KCNMB2: variants seen among roughly 807,000 people sequenced by gnomAD.
KCNMB2 encodes potassium calcium-activated channel subfamily M regulatory beta subunit 2.
KCNMB2 carries 9 observed loss-of-function variants against 24.5 expected under a neutral mutation model. The ratio of observed to expected loss-of-function variants is 0.37; its 90% confidence interval spans 0.22 to 0.64. The LOEUF (loss-of-function observed/expected upper bound fraction) is 0.64. Among genes scored for constraint, KCNMB2 ranks in the 30% least tolerant of loss-of-function variants. The probability of loss-of-function intolerance (pLI) is 0.63; values close to 1 mark genes in which losing one functional copy is unlikely to be tolerated. For synonymous variants in KCNMB2, 109 were observed against 104.4 expected, an observed-to-expected ratio of 1.04 and a Z score of -0.27; for missense variants, 226 against 284.3, an observed-to-expected ratio of 0.79 and a Z score of 1.47.
intron 4 of KCNMB2, among the ~76,000 whole-genome samples, chr3:178,835,253 T>C (rs868009632): frequency 6.6e-6 from 1 of 152,058 alleles, no homozygotes; most frequent in Non-Finnish European, 1.5e-5. Flanking sequence ...CATAGCAGTG[T>C]GAATTCTGTT....
intron 1 of KCNMB2, among the ~76,000 whole-genome samples, chr3:178,710,462 C>T (rs1399276014): frequency 6.6e-6 from 1 of 152,164 alleles, no homozygotes; most frequent in African/African-American, 2.4e-5. Context: ...TATTCCAAGC[C>T]TCAGACCTCA....
chr3:178,640,510 T>C (rs1190270442), intron 1 of KCNMB2, among the ~76,000 whole-genome samples: 4 of 152,092 alleles, frequency 2.6e-5, no homozygotes, highest in Non-Finnish European at 5.9e-5. Flanking sequence ...TCCCCAACAC[T>C]GGGTATTACA....
At chr3:178,660,431 G>A (rs1337427775) in intron 1 of KCNMB2, among the ~76,000 whole-genome samples, 1 of 152,080 alleles carries the variant, frequency 6.6e-6, no homozygotes, top group Non-Finnish European at 1.5e-5. Context: ...CTGGGACTGA[G>A]TTCTCACTGG....
chr3:178,544,061 G>A (rs1270277967), intron 1 of KCNMB2, among the ~76,000 whole-genome samples: 1 of 152,020 alleles, frequency 6.6e-6, no homozygotes, highest in Non-Finnish European at 1.5e-5. Flanking sequence ...CACAGTTCAT[G>A]GCAGTAGTTA....
intron 1 of KCNMB2, among the ~76,000 whole-genome samples, chr3:178,595,231 C>T (rs1259937613): frequency 6.6e-6 from 1 of 152,004 alleles, no homozygotes; most frequent in Admixed American, 6.6e-5. Flanking sequence ...CTTTGAACCT[C>T]ATGACATCCA....
intron 1 of KCNMB2, among the ~76,000 whole-genome samples, chr3:178,565,944 A>G (rs1716502074): frequency 6.6e-6 from 1 of 152,212 alleles, no homozygotes. Flanking sequence ...TAAAAAATTC[A>G]GAAATATGTC....
At chr3:178,741,302 A>G (rs1247166786) in intron 1 of KCNMB2, among the ~76,000 whole-genome samples, 1 of 152,176 alleles carries the variant, frequency 6.6e-6, no homozygotes, top group East Asian at 1.9e-4. Context: ...CTGTTTTAAG[A>G]AAAAAATGGA....
chr3:178,684,746 G>T (rs1258089620), intron 1 of KCNMB2, among the ~76,000 whole-genome samples: 2 of 152,120 alleles, frequency 1.3e-5, no homozygotes, highest in Non-Finnish European at 2.9e-5. Context: ...AAGGAGAATG[G>T]CTTGAACCTG....
Position 178,650,521 on chromosome 3 carries a change from C to A in KCNMB2, c.-68+113810C>A, listed in dbSNP as rs144942943. ...ATCTTGCTTTATGAATCTGGGTACT[C>A]CTTCTGAACTACAGGGACTTCTCCC... On this transcript the variant is annotated intron_variant, in intron 1 of 4. Transcript: ENST00000452583. 5.6e-3 allele frequency among the ~76,000 whole-genome samples: 846 copies of A among 151,988 alleles called. 4 individuals carry two copies. Among genetic ancestry groups the A allele is most frequent in the Non-Finnish European group, 7.2e-3 (490 of 67,930 alleles).
At position 178,843,035 on chromosome 3, in the gene KCNMB2, T is replaced by A; in HGVS notation, c.*98T>A. The A allele has an allele frequency of 1.0e-6, 1 of 953,870 alleles. No individual in the cohort carries two copies. Among genetic ancestry groups the A allele is most frequent in the South Asian group, 1.6e-5 (1 of 61,206 alleles). The allele number at this position is 953,870 out of a possible 1,614,324, so 59.1% of individuals were successfully genotyped here. A position where few individuals can be genotyped will look rare whatever the true frequency, so the allele number is the denominator to read the frequency against. On this transcript the variant is annotated 3_prime_UTR_variant, in exon 5 of 5. Coordinates refer to ENST00000452583, the MANE Select transcript of KCNMB2 (RefSeq NM_181361.3). ...TAAGTTTGTAACGTGCAGTCTGTTA[T>A]GAGTTCCCTAATATATTCTTATATG... is the stretch of plus-strand genomic sequence containing the variant.
At chr3:178,742,154 T>G (rs1723515460) in intron 1 of KCNMB2, among the ~76,000 whole-genome samples, 1 of 152,232 alleles carries the variant, frequency 6.6e-6, no homozygotes, top group Non-Finnish European at 1.5e-5. Context: ...CAGCATGTAT[T>G]TCATGGAGTA....
intron 1 of KCNMB2, among the ~76,000 whole-genome samples, chr3:178,589,182 C>T (rs1287884279): frequency 6.6e-6 from 1 of 152,224 alleles, no homozygotes. Context: ...AGCGTTCTAA[C>T]AGCTCAGCTT....
At chr3:178,636,832 A>T (rs1719542216) in intron 1 of KCNMB2, among the ~76,000 whole-genome samples, 1 of 77,224 alleles carries the variant, frequency 1.3e-5, no homozygotes, top group Admixed American at 1.3e-4. Flanking sequence ...TGCTGCACAG[A>T]TCATTCCACC....
intron 1 of KCNMB2, among the ~76,000 whole-genome samples, chr3:178,708,771 T>G (rs2108347774): frequency 6.6e-6 from 1 of 152,246 alleles, no homozygotes; most frequent in South Asian, 2.1e-4. Flanking sequence ...ATATTGAAGC[T>G]TAGTAAGAGG....
Position 178,807,328 on chromosome 3 carries a change from G to A in KCNMB2, c.-67-15G>A. Reference sequence around the variant, plus strand: ...GCTATTTGTTGCTGTTAACTTCATTGTGTACCTCTTCTAGGTCTTTTTGCC... The same window carrying A: ...GCTATTTGTTGCTGTTAACTTCATTATGTACCTCTTCTAGGTCTTTTTGCC... On this transcript the variant is annotated splice_polypyrimidine_tract_variant and intron_variant, in intron 1 of 4. Coordinates refer to ENST00000452583, the MANE Select transcript of KCNMB2 (RefSeq NM_181361.3). 8.9e-7 allele frequency: 1 copy of A among 1,123,046 alleles called. No individual in the cohort carries two copies. The highest frequency in any genetic ancestry group is 1.3e-6 in the Non-Finnish European group (1 of 746,452). The allele number at this position is 1,123,046 out of a possible 1,614,324, so 69.6% of individuals were successfully genotyped here. A position where few individuals can be genotyped will look rare whatever the true frequency, so the allele number is the denominator to read the frequency against.
chr3:178,698,940 GC>G (rs1396297540), intron 1 of KCNMB2, among the ~76,000 whole-genome samples: 3 of 152,204 alleles, frequency 2.0e-5, no homozygotes, highest in Non-Finnish European at 4.4e-5. Context: ...CTCATATTCG[GC>G]CCCAACTTTA....
intron 1 of KCNMB2, among the ~76,000 whole-genome samples, chr3:178,567,475 C>T (rs138885826): frequency 5.9e-4 from 89 of 152,060 alleles, no homozygotes; most frequent in African/African-American, 2.1e-3. Context: ...TGTATGGCTA[C>T]ACAGAGAACC....
In KCNMB2 at chr3:178,830,461, C is replaced by T. The variant is rs566029250; in HGVS notation, c.423+2088C>T. 9.9e-5 allele frequency among the ~76,000 whole-genome samples: 15 copies of T among 152,216 alleles called. 2 individuals are homozygous for T. Among genetic ancestry groups the T allele is most frequent in the African/African-American group, 3.4e-4 (14 of 41,550 alleles). ...GGTGCACAAGCACACACACTTCCAT[C>T]GGGTATAAACCTGGGAATGGAATAT... On this transcript the variant is annotated intron_variant, in intron 4 of 4. Coordinates refer to ENST00000452583, the MANE Select transcript of KCNMB2 (RefSeq NM_181361.3).
At chr3:178,680,353 C>T (rs767714882) in intron 1 of KCNMB2, among the ~76,000 whole-genome samples, 7 of 152,134 alleles carry the variant, frequency 4.6e-5, no homozygotes, top group Non-Finnish European at 8.8e-5. Flanking sequence ...CCATGTGCTC[C>T]AGCTACACTT....
Sources: gnomAD v4.1 joint callset for allele counts (sites outside exome capture counted in the v4.1 genomes callset) on GRCh38, gnomAD v4.1.1 for gene constraint, MANE v1.5 for transcripts, NCBI Gene and HGNC (gene_info 2026-07-23, HGNC 2026-07-21) for gene names.